The following TMEM72 variants were observed in gnomAD, a reference collection of about 807,000 sequenced individuals.
The protein encoded by TMEM72 is kidney-specific secretory protein of 37 kDa.
A neutral mutation model predicts 16.3 loss-of-function variants in TMEM72; 9 were observed. The observed-to-expected ratio is 0.55, with a 90% CI of 0.33 to 0.96. The LOEUF is 0.96. Among genes scored for constraint, TMEM72 ranks in the 40% least tolerant of loss-of-function variants. The pLI is 0.03. For synonymous variants in TMEM72, 160 were observed against 146.5 expected (o/e 1.09, Z -0.66); for missense variants, 324 against 337.8 (o/e 0.96, Z 0.32).
chr10:44,921,820 G>A (rs1589041780), intron 1 of TMEM72, among the ~76,000 whole-genome samples: 1 of 152,210 alleles, frequency 6.6e-6, no homozygotes, highest in South Asian at 2.1e-4. Context: ...CAGGGCCAGA[G>A]CTACCACTCT....
intron 1 of TMEM72, among the ~76,000 whole-genome samples, chr10:44,920,457 T>C (rs1440668640): frequency 1.3e-5 from 2 of 152,166 alleles, no homozygotes; most frequent in African/African-American, 4.8e-5. Flanking sequence ...GTGGGGACCC[T>C]AGCAGGGTTA....
chr10:44,920,241 G>A (rs76279152), intron 1 of TMEM72: 2 of 152,408 alleles, frequency 1.3e-5, no homozygotes, highest in African/African-American at 2.4e-5. Context: ...TGACTGTGAA[G>A]CGTCCCATGT....
intron 2 of TMEM72, 95 bp downstream of exon 2, chr10:44,928,082 C>A: frequency 2.2e-6 from 3 of 1,392,796 alleles, no homozygotes; most frequent in Non-Finnish European, 3.0e-6. Flanking sequence ...AGTCCCCTTC[C>A]CATGTGAATT....
rs146274062 is a variant in TMEM72, at chr10:44,923,458, G to A, written c.71-4463G>A. On this transcript the variant is annotated intron_variant, in intron 1 of 4. Coordinates refer to ENST00000389583, the MANE Select transcript of TMEM72 (RefSeq NM_001123376.3). Reference sequence around the variant, plus strand: ...GGCTTGGGCTTCCTCACAATATGTCGGTCTCACTCCTCAGGGATTAGCAGG... The same window carrying A: ...GGCTTGGGCTTCCTCACAATATGTCAGTCTCACTCCTCAGGGATTAGCAGG... 1.5e-3 allele frequency among the ~76,000 whole-genome samples: 227 copies of A among 151,478 alleles called. 1 individual carries two copies. Among genetic ancestry groups the A allele is most frequent in the African/African-American group, 5.0e-3 (207 of 41,200 alleles).
At chr10:44,915,980 G>A (rs774785748) in intron 1 of TMEM72, among the ~76,000 whole-genome samples, 2 of 152,088 alleles carry the variant, frequency 1.3e-5, no homozygotes, top group East Asian at 1.9e-4. Flanking sequence ...TCATTGTCTC[G>A]CTCCAGCCCC....
rs200271388 is a variant in TMEM72 at position 44,933,648 on chromosome 10, G to C, written c.221G>C (p.Gly74Ala). 168 of 1,613,162 alleles carry C rather than the reference G, an allele frequency of 1.0e-4. No individual in the cohort carries two copies. In the African/African-American group the frequency reaches 2.1e-3, roughly 20 times the overall value. The change falls in exon 4 of 5, where the codon GGG becomes GCG. Residue 74 changes from glycine to alanine, a missense_variant. Coordinates refer to ENST00000389583, the MANE Select transcript of TMEM72 (RefSeq NM_001123376.3). Reference sequence around the variant, plus strand: ...CTCCCTCTCCCCAGGTGTCAACCAGGGTCCCTGGCAGACAGAGTAAGGGAG... The same window carrying C: ...CTCCCTCTCCCCAGGTGTCAACCAGCGTCCCTGGCAGACAGAGTAAGGGAG... The part of the protein sequence containing the change: ...LLAICFQCQP[G>A]SLADRVREKA...
At chr10:44,934,036 A>G (rs1589050021) in intron 4 of TMEM72, among the ~76,000 whole-genome samples, 1 of 152,136 alleles carries the variant, frequency 6.6e-6, no homozygotes, top group Admixed American at 6.5e-5. Context: ...AGGGGACCTC[A>G]CCTTTCCTCC....
intron 1 of TMEM72, among the ~76,000 whole-genome samples, chr10:44,926,786 G>T (rs903206140): frequency 4.0e-5 from 6 of 151,506 alleles, no homozygotes; most frequent in African/African-American, 1.5e-4. Flanking sequence ...CTCCATGATC[G>T]CCCCTCCCAC....
intron 1 of TMEM72, among the ~76,000 whole-genome samples, chr10:44,916,345 G>A (rs1370249253): frequency 6.6e-6 from 1 of 152,118 alleles, no homozygotes; most frequent in Non-Finnish European, 1.5e-5. Flanking sequence ...CTATATAATG[G>A]ACACAGCCAC....
At chr10:44,913,892 G>T (rs1375175858) in intron 1 of TMEM72, among the ~76,000 whole-genome samples, 1 of 152,178 alleles carries the variant, frequency 6.6e-6, no homozygotes, top group African/African-American at 2.4e-5. Context: ...GCCTCACTTT[G>T]CAGAAACCCT....
In TMEM72 at chr10:44,926,128, C is replaced by T. The variant is rs1055009419; in HGVS notation, c.71-1793C>T. On this transcript the variant is annotated intron_variant, in intron 1 of 4. Transcript: ENST00000389583. ...ACACACCCACATACACACATACATACACTCACACACTCACATATATACTCA... is the reference window on the plus strand; with the variant it reads ...ACACACCCACATACACACATACATATACTCACACACTCACATATATACTCA... Among the ~76,000 whole-genome samples, 7 of 151,186 alleles carry T rather than the reference C, an allele frequency of 4.6e-5. No individual in the cohort carries two copies. The East Asian group carries it at 1.3e-3, about 28-fold the overall frequency.
At chr10:44,922,442 T>C (rs571418962) in intron 1 of TMEM72, among the ~76,000 whole-genome samples, 11 of 152,344 alleles carry the variant, frequency 7.2e-5, no homozygotes, top group Admixed American at 2.0e-4. Context: ...TGAAAACACT[T>C]TGGGGTCCTA....
chr10:44,926,475 G>A (rs1164236594), intron 1 of TMEM72, among the ~76,000 whole-genome samples: 1 of 152,220 alleles, frequency 6.6e-6, no homozygotes, highest in African/African-American at 2.4e-5. Context: ...TGGTGTGGAA[G>A]CTCTGAAGTG....
chr10:44,918,650 A>C (rs1840046599), intron 1 of TMEM72, among the ~76,000 whole-genome samples: 2 of 152,206 alleles, frequency 1.3e-5, no homozygotes, highest in African/African-American at 2.4e-5. Context: ...CAGAAATGCA[A>C]GGTTGTTTTA....
At position 44,935,551 on chromosome 10, in the gene TMEM72, C is replaced by T. The variant is rs1840387502; in HGVS notation, c.*417C>T. The T allele has an allele frequency of 6.1e-6, 1 of 164,644 alleles. No individual in the cohort carries two copies. The highest frequency in any genetic ancestry group is 6.3e-5 in the Admixed American group (1 of 15,754). The allele number at this position is 164,644 out of a possible 1,614,324, so 10.2% of individuals were successfully genotyped here. ...CTCAGTGAGGAACCTATGGTCCACCCATCTCTGCAGGCCCAGGGAAGTGTC... is the reference window on the plus strand; with the variant it reads ...CTCAGTGAGGAACCTATGGTCCACCTATCTCTGCAGGCCCAGGGAAGTGTC... On this transcript the variant is annotated 3_prime_UTR_variant, in exon 5 of 5. Coordinates refer to ENST00000389583, the MANE Select transcript of TMEM72 (RefSeq NM_001123376.3).
chr10:44,934,118 C>T (rs114304947), intron 4 of TMEM72, among the ~76,000 whole-genome samples: 167 of 152,286 alleles, frequency 1.1e-3, no homozygotes, highest in African/African-American at 3.9e-3. Context: ...CCTTCTGAAT[C>T]TCCCCAGTGC....
chr10:44,925,702 G>T (rs1369262838), intron 1 of TMEM72, among the ~76,000 whole-genome samples: 1 of 152,202 alleles, frequency 6.6e-6, no homozygotes, highest in Admixed American at 6.5e-5. Context: ...ATCCGTGGTT[G>T]GTTGGTTGGT....
At chr10:44,913,452 GCACA>G (rs35296531) in intron 1 of TMEM72, among the ~76,000 whole-genome samples, 335 of 148,840 alleles carry the variant, frequency 2.3e-3, no homozygotes, top group African/African-American at 4.8e-3. Context: ...CCATGTGCAC[GCACA>G]CACACACACA....
chr10:44,930,056 T>G (rs558145789), intron 2 of TMEM72, among the ~76,000 whole-genome samples: 1 of 152,290 alleles, frequency 6.6e-6, no homozygotes, highest in Non-Finnish European at 1.5e-5. Flanking sequence ...CCATGGCAGG[T>G]GAATGCAGGC....
Sources: gnomAD v4.1 joint callset for allele counts (sites outside exome capture counted in the v4.1 genomes callset) on GRCh38, gnomAD v4.1.1 for gene constraint, MANE v1.5 for transcripts, NCBI Gene and HGNC (gene_info 2026-07-23, HGNC 2026-07-21) for gene names.